Variants in APBB2 observed in about 807,000 individuals in gnomAD.
The protein encoded by APBB2 is Fe65-like 1.
APBB2 carries 38 observed loss-of-function variants against 82.5 expected under a neutral mutation model. That is an observed-to-expected ratio of 0.46 (90% CI 0.36 to 0.60). The LOEUF is 0.60. Among genes scored for constraint, APBB2 ranks in the 20% least tolerant of loss-of-function variants. The probability of loss-of-function intolerance (pLI) is 0.00; values close to 1 mark genes in which losing one functional copy is unlikely to be tolerated. For missense variants in APBB2, 772 were observed against 972.3 expected (o/e 0.79, Z 2.74); for synonymous variants, 341 against 368.2 (o/e 0.93, Z 0.85).
At chr4:40,989,181 C>T (rs183621078) in intron 6 of APBB2, among the ~76,000 whole-genome samples, 1 of 152,296 alleles carries the variant, frequency 6.6e-6, no homozygotes, top group East Asian at 1.9e-4. Context: ...GTATAGGAGG[C>T]AGCTATCCCA....
At chr4:40,923,009 C>T (rs1425901281) in intron 10 of APBB2, among the ~76,000 whole-genome samples, 1 of 149,278 alleles carries the variant, frequency 6.7e-6, no homozygotes, top group East Asian at 2.0e-4. Context: ...GAGTCCCGCT[C>T]TTTAGCCCAG....
chr4:41,008,087 G>A (rs761345725), intron 6 of APBB2, among the ~76,000 whole-genome samples: 11 of 152,146 alleles, frequency 7.2e-5, no homozygotes, highest in Non-Finnish European at 7.3e-5. Context: ...TCCACTTTCC[G>A]GATTCTCAAG....
chr4:40,904,527 C>T (rs1053774503), intron 10 of APBB2, among the ~76,000 whole-genome samples: 3 of 151,872 alleles, frequency 2.0e-5, no homozygotes, highest in Admixed American at 2.0e-4. Context: ...AGAGTCCATA[C>T]AAAAAACAGG....
intron 5 of APBB2, among the ~76,000 whole-genome samples, chr4:41,027,227 C>G (rs949888975): frequency 1.4e-5 from 2 of 139,522 alleles, no homozygotes; most frequent in Admixed American, 1.5e-4. Context: ...AGCAGCAGGA[C>G]CTAGACTGAA....
chr4:41,052,841 G>C lies in APBB2; in HGVS notation c.-51+12735C>G, dbSNP rs79695256. 1.0e-2 allele frequency among the ~76,000 whole-genome samples: 1,492 copies of C among 149,444 alleles called. 17 individuals carry two copies. The highest frequency in any genetic ancestry group is 0.035 in the African/African-American group (1,419 of 40,572). ...GAGTGCAGTGGCGTGATCTCGGCTT[G>C]CAACCTCTGCCTCCTGGGTTCAAGC... On this transcript the variant is annotated intron_variant, in intron 4 of 17. Coordinates refer to ENST00000508593, the MANE Select transcript of APBB2 (RefSeq NM_004307.2).
In APBB2 at chr4:41,092,666, G is replaced by A. The variant is rs987694384; in HGVS notation, c.-149+7973C>T. Among the ~76,000 whole-genome samples, 4 of 147,570 alleles carry A rather than the reference G, an allele frequency of 2.7e-5. No individual in the cohort carries two copies. In the Admixed American group the frequency reaches 2.7e-4, roughly 10 times the overall value. ...ATTGCACCACTGCACTCCAGCCTGG[G>A]CAACAGAGTGAGACTCCGTCTCAAA... On this transcript the variant is annotated intron_variant, in intron 3 of 17. Coordinates refer to ENST00000508593, the MANE Select transcript of APBB2 (RefSeq NM_004307.2).
chr4:40,894,835 A>G (rs535354757), intron 10 of APBB2, among the ~76,000 whole-genome samples: 16 of 152,320 alleles, frequency 1.1e-4, no homozygotes, highest in Non-Finnish European at 2.2e-4. Flanking sequence ...TGACTTGGCT[A>G]CAGCATTTGC....
At chr4:41,190,885 A>T (rs1774237377) in intron 1 of APBB2, among the ~76,000 whole-genome samples, 1 of 152,242 alleles carries the variant, frequency 6.6e-6, no homozygotes, top group Non-Finnish European at 1.5e-5. Context: ...AGGAGCTTTG[A>T]AGAAATGGAC....
At chr4:41,211,491 T>A (rs1288143404) in intron 1 of APBB2, among the ~76,000 whole-genome samples, 2 of 151,686 alleles carry the variant, frequency 1.3e-5, no homozygotes, top group Non-Finnish European at 2.9e-5. Context: ...TTTATTTATG[T>A]ATTTATTTTG....
chr4:40,885,866 C>T lies in APBB2; in HGVS notation c.1529+4498G>A, dbSNP rs1043027391. Among the ~76,000 whole-genome samples, 6 of 152,038 alleles carry T rather than the reference C, an allele frequency of 3.9e-5. No individual in the cohort carries two copies. The East Asian group carries it at 1.2e-3, about 29-fold the overall frequency. On this transcript the variant is annotated intron_variant, in intron 12 of 17. Transcript: ENST00000508593. ...CTTGCAGAGTCCTAGTGCATCTCAG[C>T]GTAGGAAAACCTCTGAGAGGGCCCA... is the stretch of plus-strand genomic sequence containing the variant.
chr4:41,049,417 T>TG (rs1186680650), intron 4 of APBB2, among the ~76,000 whole-genome samples: 1 of 126,576 alleles, frequency 7.9e-6, no homozygotes, highest in African/African-American at 3.5e-5. Flanking sequence ...GGGAAGGAGA[T>TG]GGGGGACAGC....
chr4:40,982,656 T>C (rs1053876068), intron 6 of APBB2, among the ~76,000 whole-genome samples: 1 of 151,050 alleles, frequency 6.6e-6, no homozygotes, highest in East Asian at 2.0e-4. Flanking sequence ...AAATTAGAGG[T>C]GATACACACC....
chr4:41,026,173 A>C (rs1714120548), intron 5 of APBB2, among the ~76,000 whole-genome samples: 1 of 152,084 alleles, frequency 6.6e-6, no homozygotes, highest in African/African-American at 2.4e-5. Flanking sequence ...AGGAGACAAC[A>C]AACACTGGAG....
At chr4:40,857,155 T>C in intron 12 of APBB2, 2 of 985,370 alleles carry the variant, frequency 2.0e-6, no homozygotes, top group Non-Finnish European at 2.4e-6. Context: ...GGGCTCAAGT[T>C]GAAGAGAGCG....
At chr4:41,025,576 C>G (rs1713684441) in intron 5 of APBB2, among the ~76,000 whole-genome samples, 2 of 151,974 alleles carry the variant, frequency 1.3e-5, no homozygotes, top group Non-Finnish European at 2.9e-5. Flanking sequence ...CTATTCACAA[C>G]AGCAAAGACA....
chr4:41,093,301 C>T (rs28712214), intron 3 of APBB2, among the ~76,000 whole-genome samples: 22 of 152,304 alleles, frequency 1.4e-4, no homozygotes, highest in Middle Eastern at 3.4e-3. Context: ...TACAAGAGCA[C>T]GTGAACTCTG....
chr4:41,152,392 C>A (rs901064675), intron 1 of APBB2, among the ~76,000 whole-genome samples: 5 of 151,406 alleles, frequency 3.3e-5, no homozygotes, highest in Middle Eastern at 3.4e-3. Context: ...GCGCAATCTC[C>A]GCTCACTACA....
At chr4:40,851,738 ATT>A (rs869027470) in intron 12 of APBB2, among the ~76,000 whole-genome samples, 940 of 67,644 alleles carry the variant, frequency 0.014, 12 homozygotes, top group South Asian at 0.079. Context: ...ATATATATAT[ATT>A]TTTTTTTTTT....
chr4:40,887,912 A>T (rs905657348), intron 12 of APBB2, among the ~76,000 whole-genome samples: 2 of 152,204 alleles, frequency 1.3e-5, no homozygotes, highest in Non-Finnish European at 2.9e-5. Flanking sequence ...AGGCAATGTA[A>T]CCTAATTCAC....
Sources: gnomAD v4.1 joint callset for allele counts (sites outside exome capture counted in the v4.1 genomes callset) on GRCh38, gnomAD v4.1.1 for gene constraint, MANE v1.5 for transcripts, NCBI Gene and HGNC (gene_info 2026-07-23, HGNC 2026-07-21) for gene names.